PDE1C: variants seen among roughly 807,000 people sequenced by gnomAD.
PDE1C encodes phosphodiesterase 1C, also known as dual specificity calcium/calmodulin-dependent 3',5'-cyclic nucleotide phosphodiesterase 1C.
PDE1C carries 62 observed loss-of-function variants against 93.1 expected under a neutral mutation model. That is an observed-to-expected ratio of 0.67 (90% CI 0.54 to 0.82). The LOEUF (loss-of-function observed/expected upper bound fraction) is 0.82. PDE1C is among the 40% of genes least tolerant of loss of function. The pLI is 0.00. For synonymous variants in PDE1C, 325 were observed against 310.1 expected (o/e 1.05, Z -0.50); for missense variants, 742 against 884.6 (o/e 0.84, Z 2.04).
chr7:32,001,330 A>G (rs182908042), intron 2 of PDE1C, among the ~76,000 whole-genome samples: 1 of 152,360 alleles, frequency 6.6e-6, no homozygotes, highest in African/African-American at 2.4e-5. Flanking sequence ...AAAAGATCCC[A>G]TATCAGGAGT....
At chr7:31,724,341 C>G in the PDE1C span, among the ~76,000 whole-genome samples, 14 of 152,344 alleles carry the variant, frequency 9.2e-5, 1 homozygote, top group African/African-American at 2.2e-4. Flanking sequence ...TTTGCCCTAT[C>G]TATGTCCCCT....
intron 2 of PDE1C, among the ~76,000 whole-genome samples, chr7:31,932,432 G>C (rs1178803804): frequency 6.6e-6 from 1 of 152,170 alleles, no homozygotes; most frequent in East Asian, 1.9e-4. Context: ...TTTCTCAAAA[G>C]AAGACATTTA....
At chr7:32,368,387 A>C (rs1392667532) in intron 1 of PDE1C, among the ~76,000 whole-genome samples, 5 of 152,206 alleles carry the variant, frequency 3.3e-5, no homozygotes, top group Non-Finnish European at 5.9e-5. Context: ...GAAATCGAGA[A>C]GACGATTCCA....
chr7:31,887,063 G>A (rs1048073934), intron 2 of PDE1C, among the ~76,000 whole-genome samples: 5 of 152,146 alleles, frequency 3.3e-5, no homozygotes, highest in African/African-American at 1.2e-4. Flanking sequence ...GCTGAGTAGA[G>A]GAGCACACAT....
the PDE1C span, among the ~76,000 whole-genome samples, chr7:31,628,316 C>A: frequency 1.3e-5 from 2 of 152,044 alleles, no homozygotes; most frequent in African/African-American, 2.4e-5. Flanking sequence ...GTAACAGGGG[C>A]AAGGAAGGAC....
intron 1 of PDE1C, among the ~76,000 whole-genome samples, chr7:32,319,830 G>C (rs1022375797): frequency 2.0e-5 from 3 of 152,210 alleles, no homozygotes; most frequent in Non-Finnish European, 4.4e-5. Context: ...TTTTTCTTAA[G>C]ATAGTGTGTA....
chr7:31,749,860 C>T, downstream of PDE1C, among the ~76,000 whole-genome samples: 1 of 151,376 alleles, frequency 6.6e-6, no homozygotes, highest in East Asian at 2.0e-4. Flanking sequence ...GCCTCAGCCT[C>T]CCAAGTAGCT....
the PDE1C span, among the ~76,000 whole-genome samples, chr7:31,676,687 C>G: frequency 1.3e-4 from 19 of 151,656 alleles, no homozygotes; most frequent in Non-Finnish European, 2.5e-4. Flanking sequence ...AAGGAAGGAA[C>G]TAATAAGACA....
chr7:31,663,937 A>C, the PDE1C span, among the ~76,000 whole-genome samples: 3 of 152,182 alleles, frequency 2.0e-5, no homozygotes, highest in Admixed American at 6.5e-5. Flanking sequence ...ATTGCCCCAC[A>C]GTTCTTTGAG....
At chr7:31,775,492 A>T (rs578128048) in intron 17 of PDE1C, among the ~76,000 whole-genome samples, 172 bp downstream of exon 17, 31 of 152,172 alleles carry the variant, frequency 2.0e-4, no homozygotes, top group Admixed American at 9.2e-4. Flanking sequence ...ATTTATGTCC[A>T]TTCCTAGAGG....
chr7:32,070,777 G>C, upstream of PDE1C: 10 of 1,012,226 alleles, frequency 9.9e-6, no homozygotes, highest in Non-Finnish European at 1.2e-5. Context: ...GCAGCTAAAG[G>C]GTTTGGAGGT....
At chr7:32,127,044 T>C (rs1475193804) in intron 3 of PDE1C, among the ~76,000 whole-genome samples, 3 of 152,146 alleles carry the variant, frequency 2.0e-5, no homozygotes, top group Admixed American at 2.0e-4. Context: ...CCTCATCCAA[T>C]CAGTTGAGGG....
At chr7:31,765,944 T>A (rs1795115878) in intron 17 of PDE1C, among the ~76,000 whole-genome samples, 1 of 152,220 alleles carries the variant, frequency 6.6e-6, no homozygotes, top group Non-Finnish European at 1.5e-5. Flanking sequence ...GGTAAGCTAT[T>A]CATCTCTTTG....
At chr7:32,344,786 C>T (rs961555488) in intron 1 of PDE1C, among the ~76,000 whole-genome samples, 1 of 152,114 alleles carries the variant, frequency 6.6e-6, no homozygotes, top group South Asian at 2.1e-4. Flanking sequence ...CTAAGCTCCA[C>T]GAGAGCAAGG....
chr7:32,114,300 G>C (rs1176815428), intron 3 of PDE1C, among the ~76,000 whole-genome samples: 2 of 152,024 alleles, frequency 1.3e-5, no homozygotes, highest in East Asian at 3.9e-4. Flanking sequence ...CAGAACAGAG[G>C]CCTCAGAAAT....
At chr7:31,895,074 A>G (rs560255794) in intron 2 of PDE1C, among the ~76,000 whole-genome samples, 45 of 152,120 alleles carry the variant, frequency 3.0e-4, no homozygotes, top group Non-Finnish European at 5.6e-4. Flanking sequence ...GCTGCATCTG[A>G]GATAGAGGAA....
intron 17 of PDE1C, among the ~76,000 whole-genome samples, chr7:31,766,100 T>C (rs1026342234): frequency 8.5e-5 from 13 of 152,166 alleles, no homozygotes; most frequent in African/African-American, 2.9e-4. Context: ...ATATCTGTGG[T>C]TGGGCCCGGC....
chr7:32,282,605 G>A (rs7805088), intron 1 of PDE1C, among the ~76,000 whole-genome samples: 1,589 of 116,504 alleles, frequency 0.014, 44 homozygotes, highest in African/African-American at 0.051. Flanking sequence ...TTTTTGAGAC[G>A]GAGTCTCTCT....
chr7:31,630,074 A>C, the PDE1C span, among the ~76,000 whole-genome samples: 1 of 152,260 alleles, frequency 6.6e-6, no homozygotes, highest in Admixed American at 6.5e-5. Flanking sequence ...AATTGTCAAC[A>C]AATACTGATT....
Sources: allele counts gnomAD v4.1 joint callset (sites outside exome capture counted in the v4.1 genomes callset), GRCh38; gene constraint gnomAD v4.1.1; transcripts MANE v1.5; gene names NCBI Gene and HGNC (gene_info 2026-07-23, HGNC 2026-07-21).